The following SYT1 variants were observed in gnomAD, a reference collection of about 807,000 sequenced individuals.
SYT1 encodes synaptotagmin-1.
SYT1 carries 8 observed loss-of-function variants against 44.8 expected under a neutral mutation model. The observed-to-expected ratio is 0.18, with a 90% confidence interval of 0.10 to 0.32. The LOEUF (loss-of-function observed/expected upper bound fraction) is 0.32. Among genes scored for constraint, SYT1 ranks in the 10% least tolerant of loss-of-function variants. The probability of loss-of-function intolerance (pLI) is 1.00; values close to 1 mark genes in which losing one functional copy is unlikely to be tolerated. For missense variants in SYT1, 286 were observed against 509.3 expected (o/e 0.56, Z 4.22); for synonymous variants, 154 against 188.8 (o/e 0.82, Z 1.51).
At chr12:78,907,703 C>T (rs757523580) in intron 1 of SYT1, among the ~76,000 whole-genome samples, 3 of 152,016 alleles carry the variant, frequency 2.0e-5, no homozygotes, top group Non-Finnish European at 4.4e-5. Flanking sequence ...TTAGGTCAAA[C>T]ACTCTGATCT....
intron 1 of SYT1, among the ~76,000 whole-genome samples, chr12:78,905,158 TG>T: frequency 6.6e-6 from 1 of 152,328 alleles, no homozygotes; most frequent in African/African-American, 2.4e-5. Flanking sequence ...TCCTGTTTTC[TG>T]TGGGCCAGAA....
chr12:79,000,487 C>A (rs149936282), intron 2 of SYT1, among the ~76,000 whole-genome samples: 1 of 151,834 alleles, frequency 6.6e-6, no homozygotes, highest in African/African-American at 2.4e-5. Context: ...TTAGTAGAGA[C>A]GGGGTTTCAC....
At chr12:79,127,160 A>G (rs1466953638) in intron 3 of SYT1, among the ~76,000 whole-genome samples, 1 of 152,244 alleles carries the variant, frequency 6.6e-6, no homozygotes, top group East Asian at 1.9e-4. Flanking sequence ...TTGTTACTTA[A>G]GCATAATTTT....
intron 3 of SYT1, among the ~76,000 whole-genome samples, chr12:79,214,821 T>A (rs1227211042): frequency 6.6e-6 from 1 of 152,146 alleles, no homozygotes; most frequent in East Asian, 1.9e-4. Flanking sequence ...AAGCCATAAG[T>A]CCTCAAATAT....
intron 3 of SYT1, among the ~76,000 whole-genome samples, chr12:79,110,348 C>T (rs375146244): frequency 6.6e-6 from 1 of 152,116 alleles, no homozygotes; most frequent in East Asian, 1.9e-4. Flanking sequence ...AAAAAAGAGG[C>T]AGCTTTTTCA....
At chr12:79,394,940 A>G (rs1057023296) in intron 9 of SYT1, among the ~76,000 whole-genome samples, 1 of 152,196 alleles carries the variant, frequency 6.6e-6, no homozygotes. Context: ...AAGTTGATAA[A>G]TTTCATGAGA....
chr12:79,264,305 G>A (rs1177155920), intron 4 of SYT1, among the ~76,000 whole-genome samples: 2 of 151,098 alleles, frequency 1.3e-5, no homozygotes, highest in Non-Finnish European at 2.9e-5. Flanking sequence ...TCAGCCTCTC[G>A]AGTAGCTGGG....
At chr12:78,908,956 G>A (rs1876149273) in intron 1 of SYT1, among the ~76,000 whole-genome samples, 1 of 151,772 alleles carries the variant, frequency 6.6e-6, no homozygotes, top group African/African-American at 2.4e-5. Context: ...ATATAATTAA[G>A]GCATTTCAAT....
chr12:79,038,257 T>A (rs1221027795), intron 2 of SYT1, among the ~76,000 whole-genome samples: 1 of 151,166 alleles, frequency 6.6e-6, no homozygotes, highest in Non-Finnish European at 1.5e-5. Flanking sequence ...AGTTGTCCAA[T>A]ACAGGCAATT....
At chr12:79,229,861 C>G (rs1406425494) in intron 4 of SYT1, among the ~76,000 whole-genome samples, 1 of 152,040 alleles carries the variant, frequency 6.6e-6, no homozygotes, top group African/African-American at 2.4e-5. Flanking sequence ...TCCCAAAATG[C>G]TAGAATTACA....
At chr12:79,255,771 T>C (rs1299767799) in intron 4 of SYT1, among the ~76,000 whole-genome samples, 1 of 152,228 alleles carries the variant, frequency 6.6e-6, no homozygotes, top group African/African-American at 2.4e-5. Context: ...TTGCAGTATA[T>C]GCAGTTTTGT....
chr12:79,036,897 C>T (rs1873169976), intron 2 of SYT1, among the ~76,000 whole-genome samples: 1 of 151,756 alleles, frequency 6.6e-6, no homozygotes, highest in Non-Finnish European at 1.5e-5. Flanking sequence ...GGAGAATCAA[C>T]TTCTCCCACT....
At chr12:79,146,836 G>T (rs1022624662) in intron 3 of SYT1, among the ~76,000 whole-genome samples, 10 of 151,854 alleles carry the variant, frequency 6.6e-5, no homozygotes, top group African/African-American at 2.4e-4. Context: ...AGGCTAAACA[G>T]CATATATCTA....
intron 9 of SYT1, among the ~76,000 whole-genome samples, chr12:79,401,131 A>C (rs563468556): frequency 2.0e-5 from 3 of 152,322 alleles, no homozygotes; most frequent in Admixed American, 2.0e-4. Context: ...ATTGTAGAAT[A>C]AAAATGTCAA....
intron 9 of SYT1, among the ~76,000 whole-genome samples, chr12:79,426,766 T>C (rs1869475042): frequency 6.6e-6 from 1 of 152,228 alleles, no homozygotes; most frequent in Non-Finnish European, 1.5e-5. Context: ...GTAAATATAT[T>C]ATGATATGGT....
intron 2 of SYT1, among the ~76,000 whole-genome samples, chr12:79,039,381 G>C (rs1020026433): frequency 2.0e-5 from 3 of 151,930 alleles, no homozygotes; most frequent in East Asian, 3.9e-4. Context: ...ATCTGAGTCA[G>C]TTAATACCAA....
chr12:79,223,062 C>A (rs1353639967), intron 4 of SYT1, among the ~76,000 whole-genome samples: 1 of 152,010 alleles, frequency 6.6e-6, no homozygotes, highest in African/African-American at 2.4e-5. Context: ...ACTGAGCTTC[C>A]TTAGTTATTT....
rs542229945 is a variant in SYT1, at chr12:79,059,634, T to C, written c.-18+12272T>C. Among the ~76,000 whole-genome samples, 7 of 152,236 alleles carry C rather than the reference T, an allele frequency of 4.6e-5. No individual in the cohort carries two copies. In the South Asian group the frequency reaches 1.4e-3, roughly 32 times the overall value. ...TCAGTAATAACTCCATGCACAATGATCAAACAAATGCTGTACTTGTTGTGG... is the reference window on the plus strand; with the variant it reads ...TCAGTAATAACTCCATGCACAATGACCAAACAAATGCTGTACTTGTTGTGG... On this transcript the variant is annotated intron_variant, in intron 3 of 10. Transcript: ENST00000261205.
intron 8 of SYT1, among the ~76,000 whole-genome samples, chr12:79,322,741 C>A (rs539270621): frequency 6.6e-6 from 1 of 152,092 alleles, no homozygotes; most frequent in South Asian, 2.1e-4. Context: ...AGTGAGAGAG[C>A]GCAGTGATGA....
Sources: allele counts gnomAD v4.1 joint callset (sites outside exome capture counted in the v4.1 genomes callset), GRCh38; gene constraint gnomAD v4.1.1; transcripts MANE v1.5; gene names NCBI Gene and HGNC (gene_info 2026-07-23, HGNC 2026-07-21).